SCHIP1: variants seen among roughly 807,000 people sequenced by gnomAD.
SCHIP1 encodes schwannomin-interacting protein 1.
Under a neutral mutation model 29.7 loss-of-function variants are expected in SCHIP1, and 8 were observed. That is an observed-to-expected ratio of 0.27 (90% CI 0.16 to 0.49). The LOEUF is 0.49. Among genes scored for constraint, SCHIP1 ranks in the 20% least tolerant of loss-of-function variants. The probability of loss-of-function intolerance (pLI) is 0.99; values close to 1 mark genes in which losing one functional copy is unlikely to be tolerated. For missense variants in SCHIP1, 193 were observed against 294.6 expected (o/e 0.66, Z 2.52); for synonymous variants, 76 against 94.9 (o/e 0.80, Z 1.16).
chr3:159,455,587 G>C, the SCHIP1 span, among the ~76,000 whole-genome samples: 2 of 152,202 alleles, frequency 1.3e-5, no homozygotes, highest in Non-Finnish European at 1.5e-5. Flanking sequence ...CCCATGATTT[G>C]AAGAAACCTA....
chr3:159,554,209 T>C, the SCHIP1 span, among the ~76,000 whole-genome samples: 2 of 152,234 alleles, frequency 1.3e-5, no homozygotes, highest in Non-Finnish European at 2.9e-5. Flanking sequence ...ATTCATCACA[T>C]CTACTGTATC....
At chr3:159,635,476 G>A in the SCHIP1 span, among the ~76,000 whole-genome samples, 3 of 152,282 alleles carry the variant, frequency 2.0e-5, no homozygotes, top group South Asian at 2.1e-4. Flanking sequence ...TACCATTCCT[G>A]TGGGATTCCC....
chr3:159,382,104 T>C, the SCHIP1 span, among the ~76,000 whole-genome samples: 1 of 151,994 alleles, frequency 6.6e-6, no homozygotes, highest in Non-Finnish European at 1.5e-5. Flanking sequence ...TTTTTTTTTT[T>C]AGTTCATTTT....
the SCHIP1 span, among the ~76,000 whole-genome samples, chr3:159,559,948 C>A: frequency 6.6e-6 from 1 of 152,170 alleles, no homozygotes; most frequent in African/African-American, 2.4e-5. Context: ...AAGAATTATT[C>A]TATTGCATAA....
chr3:159,795,891 G>T, the SCHIP1 span, among the ~76,000 whole-genome samples: 184 of 152,298 alleles, frequency 1.2e-3, 4 homozygotes, highest in East Asian at 0.026. Flanking sequence ...TTTCTCCAGG[G>T]TTTTGCTGCA....
the SCHIP1 span, among the ~76,000 whole-genome samples, chr3:159,470,244 T>C: frequency 6.6e-6 from 1 of 152,184 alleles, no homozygotes; most frequent in Non-Finnish European, 1.5e-5. Flanking sequence ...ATGGTCATCA[T>C]TATTGCATTG....
chr3:159,317,404 C>G, the SCHIP1 span, among the ~76,000 whole-genome samples: 1 of 152,164 alleles, frequency 6.6e-6, no homozygotes, highest in Admixed American at 6.5e-5. Flanking sequence ...GTCGTGGGAA[C>G]AGGAAGCAAA....
intron 2 of SCHIP1, among the ~76,000 whole-genome samples, chr3:159,883,375 C>T (rs747438484): frequency 1.6e-4 from 24 of 152,144 alleles, no homozygotes; most frequent in Non-Finnish European, 2.2e-4. Context: ...GACAGAGGCC[C>T]GGGGAACTGT....
chr3:159,794,355 AG>A, the SCHIP1 span, among the ~76,000 whole-genome samples: 1 of 152,208 alleles, frequency 6.6e-6, no homozygotes, highest in Admixed American at 6.5e-5. Context: ...TTAGATTTTC[AG>A]GTGCTTTAAT....
exon 1 of SCHIP1, chr3:159,840,197 G>C: frequency 6.5e-7 from 1 of 1,535,664 alleles, no homozygotes; most frequent in East Asian, 2.4e-5. Context: ...GGTACATCAG[G>C]ATAACTGCTC....
chr3:159,699,454 A>G, the SCHIP1 span, among the ~76,000 whole-genome samples: 1 of 152,160 alleles, frequency 6.6e-6, no homozygotes, highest in African/African-American at 2.4e-5. Flanking sequence ...GAAGCAGGTA[A>G]CACCCAGGAA....
chr3:159,728,552 C>G, the SCHIP1 span, among the ~76,000 whole-genome samples: 1 of 152,214 alleles, frequency 6.6e-6, no homozygotes, highest in Non-Finnish European at 1.5e-5. Context: ...AGGGAAGAAT[C>G]TGTCTCACAT....
chr3:159,873,757 AGT>A (rs1305054412), intron 2 of SCHIP1, among the ~76,000 whole-genome samples: 1 of 152,218 alleles, frequency 6.6e-6, no homozygotes, highest in Non-Finnish European at 1.5e-5. Flanking sequence ...TCTATTTAAA[AGT>A]GTTTCCGTAA....
the SCHIP1 span, among the ~76,000 whole-genome samples, chr3:159,687,373 C>T: frequency 2.5e-3 from 378 of 152,252 alleles, 17 homozygotes; most frequent in East Asian, 0.064. Flanking sequence ...TCTGTCCCCT[C>T]TCTGAATGGC....
chr3:159,423,017 A>G, the SCHIP1 span, among the ~76,000 whole-genome samples: 4 of 152,238 alleles, frequency 2.6e-5, no homozygotes, highest in African/African-American at 9.6e-5. Flanking sequence ...TGTTCTCCCA[A>G]AAGAAAAACA....
the SCHIP1 span, among the ~76,000 whole-genome samples, chr3:159,657,466 T>C: frequency 6.6e-6 from 1 of 152,246 alleles, no homozygotes; most frequent in Non-Finnish European, 1.5e-5. Flanking sequence ...TCACACTCCA[T>C]GTGACTACAA....
At chr3:159,339,234 C>T in the SCHIP1 span, among the ~76,000 whole-genome samples, 6 of 148,582 alleles carry the variant, frequency 4.0e-5, no homozygotes, top group African/African-American at 9.9e-5. Flanking sequence ...TTGTCTTTGC[C>T]AAGCATAACA....
chr3:159,756,392 A>C, the SCHIP1 span, among the ~76,000 whole-genome samples: 5 of 152,324 alleles, frequency 3.3e-5, no homozygotes, highest in East Asian at 9.6e-4. Context: ...GGCCCTTTTC[A>C]GACATGGCTG....
At chr3:159,703,728 A>C in the SCHIP1 span, among the ~76,000 whole-genome samples, 1 of 152,216 alleles carries the variant, frequency 6.6e-6, no homozygotes, top group African/African-American at 2.4e-5. Context: ...AGAAACAAGG[A>C]ATACAGGGAT....
Sources: allele counts gnomAD v4.1 joint callset (sites outside exome capture counted in the v4.1 genomes callset), GRCh38; gene constraint gnomAD v4.1.1; transcripts MANE v1.5; gene names NCBI Gene and HGNC (gene_info 2026-07-23, HGNC 2026-07-21).